The following TMEM135 variants were observed in gnomAD, a reference collection of about 807,000 sequenced individuals.
The protein encoded by TMEM135 is transmembrane protein 135.
Under a neutral mutation model 60.3 loss-of-function variants are expected in TMEM135, and 30 were observed. The observed-to-expected ratio is 0.50, with a 90% CI of 0.37 to 0.68. TMEM135 has a LOEUF of 0.68. Ranked by LOEUF, TMEM135 falls within the 30% of genes least tolerant of loss-of-function variation. TMEM135 has a pLI of 0.00. For missense variants in TMEM135, 468 were observed against 548.8 expected, an observed-to-expected ratio of 0.85 and a Z score of 1.47; for synonymous variants, 190 against 186.7, an observed-to-expected ratio of 1.02 and a Z score of -0.14.
At chr11:87,072,809 C>T (rs1018497442) in intron 3 of TMEM135, among the ~76,000 whole-genome samples, 3 of 152,046 alleles carry the variant, frequency 2.0e-5, no homozygotes, top group African/African-American at 7.2e-5. Context: ...GTCAGGTAAA[C>T]AGTTAAAGTT....
intron 6 of TMEM135, among the ~76,000 whole-genome samples, chr11:87,239,619 C>G (rs1453497988): frequency 6.6e-6 from 1 of 151,918 alleles, no homozygotes; most frequent in African/African-American, 2.4e-5. Context: ...TTATGGTAAC[C>G]TCCTTTGAGA....
intron 1 of TMEM135, among the ~76,000 whole-genome samples, chr11:87,067,134 G>A (rs1347805207): frequency 1.4e-5 from 2 of 146,788 alleles, no homozygotes; most frequent in Non-Finnish European, 3.0e-5. Context: ...GCTCCAGGAG[G>A]CCAGAAATCA....
intron 6 of TMEM135, among the ~76,000 whole-genome samples, chr11:87,242,716 A>C (rs1200443768): frequency 1.2e-4 from 17 of 139,142 alleles, no homozygotes; most frequent in East Asian, 8.0e-4. Context: ...TTTTTCTTGT[A>C]AATTTGTTTG....
chr11:87,075,041 G>A (rs1181011166), intron 3 of TMEM135, among the ~76,000 whole-genome samples: 1 of 152,072 alleles, frequency 6.6e-6, no homozygotes, highest in African/African-American at 2.4e-5. Context: ...CCGGGCCTAA[G>A]AGATCCTCTT....
chr11:87,038,087 G>C lies in TMEM135; in HGVS notation c.42G>C (p.Glu14Asp). 6.2e-7 allele frequency: 1 copy of C among 1,614,164 alleles called. No individual in the cohort carries two copies. The highest frequency in any genetic ancestry group is 8.5e-7 in the Non-Finnish European group (1 of 1,180,032). ...LSKSIPHNCY[E>D]IGHTWHPSCR... Reference sequence around the variant, plus strand: ...AGTCCATCCCTCATAACTGCTATGAGATCGGCCACACTTGGCACCCTTCCT... The same window carrying C: ...AGTCCATCCCTCATAACTGCTATGACATCGGCCACACTTGGCACCCTTCCT... The change falls in exon 1 of 15, where the codon GAG (glutamate) becomes GAC (aspartate). Residue 14 changes from glutamate to aspartate, a missense_variant. Physicochemically the swap from Glu to Asp is conservative, Grantham distance 45. Transcript: ENST00000305494.
intron 6 of TMEM135, among the ~76,000 whole-genome samples, chr11:87,243,357 A>T (rs1941184794): frequency 7.0e-6 from 1 of 143,530 alleles, no homozygotes; most frequent in African/African-American, 2.6e-5. Context: ...GTTCCATATG[A>T]ACTTTAAAGT....
At chr11:87,126,258 C>T (rs1367387834) in intron 4 of TMEM135, among the ~76,000 whole-genome samples, 1 of 152,040 alleles carries the variant, frequency 6.6e-6, no homozygotes, top group Non-Finnish European at 1.5e-5. Context: ...TATCAGTAGG[C>T]TCTTAAAACT....
At chr11:87,236,509 G>A in intron 5 of TMEM135, 129 bp from the exon 6 acceptor site, 1 of 786,738 alleles carries the variant, frequency 1.3e-6, no homozygotes, top group African/African-American at 1.7e-5. Flanking sequence ...AATATGAAAT[G>A]TGTGTGACTG....
intron 1 of TMEM135, among the ~76,000 whole-genome samples, chr11:87,056,021 C>T (rs1244416318): frequency 6.6e-6 from 1 of 152,108 alleles, no homozygotes; most frequent in Non-Finnish European, 1.5e-5. Context: ...AGAAGGGGAA[C>T]GCGTCCACCC....
At chr11:87,280,778 T>C (rs1942047020) in intron 6 of TMEM135, among the ~76,000 whole-genome samples, 1 of 152,236 alleles carries the variant, frequency 6.6e-6, no homozygotes, top group South Asian at 2.1e-4. Context: ...GTCAACTCTT[T>C]ATAAATACTT....
rs557797068 is a variant in TMEM135 at position 87,291,711 on chromosome 11, T to C, written c.510-4071T>C. On this transcript the variant is annotated intron_variant, in intron 6 of 14. Transcript: ENST00000305494. ...GCATCTGTCACCACGCCCGGCTAAT[T>C]TTTGTGTTTTCTGTAGAGATGGGGT... Among the ~76,000 whole-genome samples, 46 of 151,806 alleles carry C rather than the reference T, an allele frequency of 3.0e-4. 2 individuals are homozygous for C. In the South Asian group the frequency reaches 9.6e-3, roughly 32 times the overall value.
At chr11:87,274,360 A>T (rs1285939812) in intron 6 of TMEM135, among the ~76,000 whole-genome samples, 1 of 152,328 alleles carries the variant, frequency 6.6e-6, no homozygotes, top group East Asian at 1.9e-4. Flanking sequence ...AATGTGGCTT[A>T]TAACAGTCTC....
At chr11:87,083,396 A>G (rs1857029830) in intron 3 of TMEM135, among the ~76,000 whole-genome samples, 1 of 152,214 alleles carries the variant, frequency 6.6e-6, no homozygotes, top group African/African-American at 2.4e-5. Context: ...GTTTTGTAGA[A>G]TTGCTGTGGA....
intron 5 of TMEM135, among the ~76,000 whole-genome samples, chr11:87,192,486 C>A (rs1009848043): frequency 1.3e-4 from 20 of 152,106 alleles, no homozygotes; most frequent in African/African-American, 4.8e-4. Flanking sequence ...TTTATCAGTT[C>A]TTTAAAGAGA....
intron 4 of TMEM135, among the ~76,000 whole-genome samples, chr11:87,145,886 C>G (rs749202620): frequency 2.0e-5 from 3 of 152,128 alleles, no homozygotes; most frequent in Non-Finnish European, 4.4e-5. Context: ...TGGGTTGTCT[C>G]TCTACTCCGT....
Position 87,220,400 on chromosome 11 carries a change from A to G in TMEM135, c.463-16238A>G, listed in dbSNP as rs568838721. On this transcript the variant is annotated intron_variant, in intron 5 of 14. Coordinates refer to ENST00000305494, the MANE Select transcript of TMEM135 (RefSeq NM_022918.4). Reference sequence around the variant, plus strand: ...TCAGGATTTGTAGCTTCCATCCTAAATTAGTCTGGCTTATTGTTACTAATT... The same window carrying G: ...TCAGGATTTGTAGCTTCCATCCTAAGTTAGTCTGGCTTATTGTTACTAATT... Among the ~76,000 whole-genome samples the G allele has an allele frequency of 7.2e-5, 11 of 152,360 alleles. No homozygotes were observed. In the South Asian group the frequency reaches 2.3e-3, roughly 32 times the overall value.
intron 5 of TMEM135, among the ~76,000 whole-genome samples, chr11:87,196,180 A>T (rs1320911549): frequency 6.6e-6 from 1 of 152,142 alleles, no homozygotes; most frequent in Non-Finnish European, 1.5e-5. Context: ...AATATTTGTG[A>T]CAGATTTTGG....
In TMEM135 at chr11:87,079,528, C is replaced by T. The variant is rs190925793; in HGVS notation, c.362+7913C>T. Among the ~76,000 whole-genome samples, 238 of 151,926 alleles carry T rather than the reference C, an allele frequency of 1.6e-3. 2 individuals are homozygous for T. Among genetic ancestry groups the T allele is most frequent in the African/African-American group, 5.5e-3 (229 of 41,470 alleles). On this transcript the variant is annotated intron_variant, in intron 3 of 14. Transcript: ENST00000305494. Reference sequence around the variant, plus strand: ...TAGTTTTAAGAGTTTTTGGTACATTCCTTGAGATTTTCTATACAGACAATT... The same window carrying T: ...TAGTTTTAAGAGTTTTTGGTACATTTCTTGAGATTTTCTATACAGACAATT...
chr11:87,229,667 C>A (rs529874745), intron 5 of TMEM135, among the ~76,000 whole-genome samples: 2 of 152,274 alleles, frequency 1.3e-5, no homozygotes, highest in South Asian at 4.1e-4. Context: ...TTATTGCATC[C>A]ACTCTGATTC....
Sources: allele counts gnomAD v4.1 joint callset (sites outside exome capture counted in the v4.1 genomes callset), GRCh38; gene constraint gnomAD v4.1.1; transcripts MANE v1.5; gene names NCBI Gene and HGNC (gene_info 2026-07-23, HGNC 2026-07-21).